The following PDE3A variants were observed in gnomAD, a reference collection of about 807,000 sequenced individuals.
PDE3A encodes cGMP-inhibited 3',5'-cyclic phosphodiesterase 3A.
PDE3A carries 43 observed loss-of-function variants against 98.3 expected under a neutral mutation model. The ratio of observed to expected loss-of-function variants is 0.44; its 90% CI spans 0.34 to 0.56. The LOEUF is 0.56. PDE3A is among the 20% of genes least tolerant of loss of function. The pLI is 0.01. For synonymous variants in PDE3A, 663 were observed against 567.9 expected (o/e 1.17, Z -2.38); for missense variants, 1,427 against 1,440.7 (o/e 0.99, Z 0.15).
At chr12:20,627,043 A>G (rs531324833) in intron 5 of PDE3A, among the ~76,000 whole-genome samples, 7 of 152,054 alleles carry the variant, frequency 4.6e-5, no homozygotes, top group African/African-American at 1.7e-4. Context: ...ACTAAAACTT[A>G]GCAATGAAAA....
intron 1 of PDE3A, among the ~76,000 whole-genome samples, chr12:20,487,533 A>G (rs1046957071): frequency 8.2e-5 from 12 of 146,296 alleles, no homozygotes; most frequent in African/African-American, 2.7e-4. Context: ...AAAAAAATTA[A>G]TTCCAGCTAC....
chr12:20,579,263 G>T (rs1714054560), intron 2 of PDE3A, among the ~76,000 whole-genome samples: 1 of 152,126 alleles, frequency 6.6e-6, no homozygotes. Context: ...AACGGGTGTG[G>T]TGTCCACATC....
chr12:20,671,118 C>G (rs1038466702), intron 15 of PDE3A, among the ~76,000 whole-genome samples: 38 of 142,438 alleles, frequency 2.7e-4, no homozygotes, highest in East Asian at 1.7e-3. Flanking sequence ...ATAAATTCCT[C>G]GACACATACA....
At position 20,635,064 on chromosome 12, in the gene PDE3A, C is replaced by T. The variant is rs1012363789; in HGVS notation, c.2001+8C>T. 21 of 1,605,876 alleles carry T rather than the reference C, an allele frequency of 1.3e-5. No homozygotes were observed. The highest frequency in any genetic ancestry group is 1.8e-5 in the Non-Finnish European group (21 of 1,176,040). ...GAGACCATGATGTTTCTGGTAGTCC[C>T]ATATCACTTAACTCACTCATTTACT... On this transcript the variant is annotated splice_region_variant and intron_variant, in intron 8 of 15. Coordinates refer to ENST00000359062, the MANE Select transcript of PDE3A (RefSeq NM_000921.5).
intron 2 of PDE3A, among the ~76,000 whole-genome samples, chr12:20,568,054 A>G (rs991435623): frequency 6.6e-6 from 1 of 151,964 alleles, no homozygotes; most frequent in African/African-American, 2.4e-5. Flanking sequence ...GAAATGATAT[A>G]CTGGTAATAT....
intron 15 of PDE3A, among the ~76,000 whole-genome samples, chr12:20,665,180 G>T (rs2120364794): frequency 6.6e-6 from 1 of 152,226 alleles, no homozygotes; most frequent in South Asian, 2.1e-4. Context: ...TCCTACTAGA[G>T]TAAAAGCCTG....
At chr12:20,439,790 C>A (rs1257495437) in intron 1 of PDE3A, among the ~76,000 whole-genome samples, 2 of 152,078 alleles carry the variant, frequency 1.3e-5, no homozygotes, top group African/African-American at 4.8e-5. Flanking sequence ...TCACCCCACC[C>A]TAGAGACAGA....
At chr12:20,489,012 A>G (rs1945782030) in intron 1 of PDE3A, among the ~76,000 whole-genome samples, 1 of 152,206 alleles carries the variant, frequency 6.6e-6, no homozygotes, top group Admixed American at 6.5e-5. Context: ...TCAGCAATCA[A>G]CGAATAATTC....
intron 1 of PDE3A, among the ~76,000 whole-genome samples, chr12:20,372,024 T>G (rs922174747): frequency 4.6e-5 from 7 of 152,154 alleles, no homozygotes; most frequent in African/African-American, 1.7e-4. Context: ...GTGGAATTAT[T>G]TTTTAAAATT....
chr12:20,388,293 G>A (rs1055153415), intron 1 of PDE3A, among the ~76,000 whole-genome samples: 4 of 151,978 alleles, frequency 2.6e-5, no homozygotes, highest in Admixed American at 6.6e-5. Flanking sequence ...TAAAATTGGA[G>A]ATCCTAGTGG....
At chr12:20,558,567 A>G (rs533669498) in intron 2 of PDE3A, among the ~76,000 whole-genome samples, 6 of 152,034 alleles carry the variant, frequency 3.9e-5, no homozygotes, top group African/African-American at 1.4e-4. Context: ...AAAGATAAGA[A>G]CAATAAGAAC....
At position 20,646,616 on chromosome 12, in the gene PDE3A, T is replaced by C. The variant is rs1260110873; in HGVS notation, c.2365+13T>C. The C allele has an allele frequency of 6.7e-7, 1 of 1,483,776 alleles. No homozygotes were observed. 91.9% of individuals were successfully genotyped at this position (1,483,776 alleles called of 1,614,324 possible). A position where few individuals can be genotyped will look rare whatever the true frequency, so the allele number is the denominator to read the frequency against. Reference sequence around the variant, plus strand: ...ACCAGTGATTCAGGTATGTACGAAGTGAATCTGCACTGCCTTATGAAAGAT... The same window carrying C: ...ACCAGTGATTCAGGTATGTACGAAGCGAATCTGCACTGCCTTATGAAAGAT... On this transcript the variant is annotated intron_variant, in intron 11 of 15. Coordinates refer to ENST00000359062, the MANE Select transcript of PDE3A (RefSeq NM_000921.5).
At chr12:20,427,270 G>A (rs1382565286) in intron 1 of PDE3A, among the ~76,000 whole-genome samples, 3 of 152,168 alleles carry the variant, frequency 2.0e-5, no homozygotes, top group Non-Finnish European at 4.4e-5. Flanking sequence ...TTATCTAAGA[G>A]GGGTTGAAAT....
At chr12:20,651,156 TA>T (rs1257608962) in intron 14 of PDE3A, among the ~76,000 whole-genome samples, 1 of 152,098 alleles carries the variant, frequency 6.6e-6, no homozygotes, top group Admixed American at 6.6e-5. Flanking sequence ...TAAAAAGAAA[TA>T]GACATTTCAT....
intron 1 of PDE3A, among the ~76,000 whole-genome samples, chr12:20,402,693 C>T (rs1045083382): frequency 2.6e-5 from 4 of 152,108 alleles, no homozygotes; most frequent in Admixed American, 1.3e-4. Flanking sequence ...AATTTACAGA[C>T]TTCTTTTTGT....
At chr12:20,480,522 A>G (rs1268123450) in intron 1 of PDE3A, among the ~76,000 whole-genome samples, 1 of 152,236 alleles carries the variant, frequency 6.6e-6, no homozygotes, top group Non-Finnish European at 1.5e-5. Context: ...GAAATAAAAT[A>G]TAGCATTTGC....
At chr12:20,382,033 T>G (rs1943672799) in intron 1 of PDE3A, among the ~76,000 whole-genome samples, 1 of 151,934 alleles carries the variant, frequency 6.6e-6, no homozygotes, top group Non-Finnish European at 1.5e-5. Flanking sequence ...CACCTACATA[T>G]AATTACATAT....
rs2120538711 is a variant in PDE3A at position 20,687,981 on chromosome 12, C to T, written c.*7710C>T. Among the ~76,000 whole-genome samples the T allele has an allele frequency of 6.7e-6, 1 of 148,510 alleles. No individual in the cohort carries two copies. The highest frequency in any genetic ancestry group is 2.0e-4 in the East Asian group (1 of 5,064). On this transcript the variant is annotated 3_prime_UTR_variant, in exon 16 of 16. Coordinates refer to ENST00000359062, the MANE Select transcript of PDE3A (RefSeq NM_000921.5). Reference sequence around the variant, plus strand: ...AATTAATATGGCCCAAAAATTTGACCTTGAAGGATATTTGTAAACCAGAGA... The same window carrying T: ...AATTAATATGGCCCAAAAATTTGACTTTGAAGGATATTTGTAAACCAGAGA...
At chr12:20,386,306 A>G (rs1402996840) in intron 1 of PDE3A, among the ~76,000 whole-genome samples, 1 of 142,776 alleles carries the variant, frequency 7.0e-6, no homozygotes, top group Non-Finnish European at 1.5e-5. Context: ...ATAAAAAAAT[A>G]CTAAAAAAAA....
Sources: allele counts gnomAD v4.1 joint callset (sites outside exome capture counted in the v4.1 genomes callset), GRCh38; gene constraint gnomAD v4.1.1; transcripts MANE v1.5; gene names NCBI Gene and HGNC (gene_info 2026-07-23, HGNC 2026-07-21).